Variants in SLCO1B1 observed in about 807,000 individuals in gnomAD.
SLCO1B1 encodes solute carrier organic anion transporter family member 1B1.
In SLCO1B1, 81 loss-of-function variants were observed where a neutral mutation model predicts 70.1. The observed-to-expected ratio is 1.16, with a 90% CI of 0.97 to 1.39. The LOEUF is 1.39. SLCO1B1 is among the 40% of genes most tolerant of loss of function. SLCO1B1 has a pLI of 0.00. For synonymous variants in SLCO1B1, 283 were observed against 271.5 expected (o/e 1.04, Z -0.42); for missense variants, 895 against 799.6 (o/e 1.12, Z -1.44).
chr12:21,156,658 G>A (rs1334777095), intron 2 of SLCO1B1, among the ~76,000 whole-genome samples: 2 of 151,948 alleles, frequency 1.3e-5, no homozygotes, highest in African/African-American at 4.8e-5. Flanking sequence ...AAACAATGTA[G>A]GTTTATAAAC....
intron 10 of SLCO1B1, among the ~76,000 whole-genome samples, chr12:21,203,479 A>G (rs915425722): frequency 6.6e-6 from 1 of 152,048 alleles, no homozygotes; most frequent in African/African-American, 2.4e-5. Context: ...TGCTCAGATC[A>G]CAATTCAGTA....
chr12:21,222,233 GT>G, intron 12 of SLCO1B1, 66 bp from the exon 13 acceptor site: 1 of 757,712 alleles, frequency 1.3e-6, no homozygotes, highest in Middle Eastern at 2.5e-4. Context: ...ACAGGAGAAG[GT>G]TTAATGTTGT....
At chr12:21,183,806 C>A (rs1203578001) in intron 7 of SLCO1B1, among the ~76,000 whole-genome samples, 1 of 152,040 alleles carries the variant, frequency 6.6e-6, no homozygotes, top group East Asian at 1.9e-4. Context: ...CAAGAAAGCT[C>A]ATTGAGATTC....
chr12:21,214,647 C>T (rs868167246), intron 11 of SLCO1B1, among the ~76,000 whole-genome samples: 1 of 150,914 alleles, frequency 6.6e-6, no homozygotes. Flanking sequence ...CAATGGCGGG[C>T]GCCCCTCCCC....
intron 7 of SLCO1B1, among the ~76,000 whole-genome samples, chr12:21,194,962 A>G (rs1941074081): frequency 6.6e-6 from 1 of 152,150 alleles, no homozygotes; most frequent in Middle Eastern, 3.2e-3. Context: ...GGTGCCACAC[A>G]CTTTTTAAGC....
chr12:21,205,077 A>G (rs1014296455), intron 10 of SLCO1B1, among the ~76,000 whole-genome samples: 2 of 151,944 alleles, frequency 1.3e-5, no homozygotes, highest in Non-Finnish European at 2.9e-5. Context: ...TGAAGTATGA[A>G]TCTTAGTTTT....
At chr12:21,172,452 A>T (rs1425954822) in intron 2 of SLCO1B1, among the ~76,000 whole-genome samples, 198 bp from the exon 3 acceptor site, 2 of 152,372 alleles carry the variant, frequency 1.3e-5, no homozygotes, top group Middle Eastern at 3.4e-3. Flanking sequence ...ATTAGAAATG[A>T]TGCTTTATCA....
chr12:21,218,265 G>T (rs1205641816), intron 12 of SLCO1B1, among the ~76,000 whole-genome samples: 1 of 152,118 alleles, frequency 6.6e-6, no homozygotes. Context: ...GAGTTAGGAA[G>T]GGTGCAGGTA....
intron 3 of SLCO1B1, among the ~76,000 whole-genome samples, chr12:21,174,081 G>A (rs756451474): frequency 6.6e-6 from 1 of 151,984 alleles, no homozygotes. Context: ...ATTAAGTTCC[G>A]CCTTTCTGTG....
In SLCO1B1 at chr12:21,215,604, C is replaced by G. The variant is rs888543297; in HGVS notation, c.1498-1515C>G. 5.3e-5 allele frequency among the ~76,000 whole-genome samples: 8 copies of G among 152,038 alleles called. No homozygotes were observed. The South Asian group carries it at 8.3e-4, about 16-fold the overall frequency. ...TAGTGTTTTGTTGAGGAATTTTGCACCTATATGCATCTATATTCATCTATA... is the reference window on the plus strand; with the variant it reads ...TAGTGTTTTGTTGAGGAATTTTGCAGCTATATGCATCTATATTCATCTATA... On this transcript the variant is annotated intron_variant, in intron 11 of 14. Coordinates refer to ENST00000256958, the MANE Select transcript of SLCO1B1 (RefSeq NM_006446.5).
intron 11 of SLCO1B1, among the ~76,000 whole-genome samples, chr12:21,208,104 C>T (rs1458348525): frequency 1.4e-5 from 2 of 145,194 alleles, no homozygotes; most frequent in African/African-American, 2.6e-5. Context: ...TCTTTTCACT[C>T]TGTTGATTAT....
intron 7 of SLCO1B1, among the ~76,000 whole-genome samples, chr12:21,188,142 A>G (rs1292653221): frequency 1.3e-5 from 2 of 152,056 alleles, no homozygotes; most frequent in Admixed American, 6.6e-5. Flanking sequence ...CAAAACCACA[A>G]AGTCAAATAG....
In SLCO1B1 at chr12:21,162,235, G is replaced by A. The variant is rs1940628581; in HGVS notation, c.85-10415G>A. ...CCATTATTTTATAATATTAAAGTAA[G>A]CAATAAAAGGAACACTTAAAAATAT... On this transcript the variant is annotated intron_variant, in intron 2 of 14. Coordinates refer to ENST00000256958, the MANE Select transcript of SLCO1B1 (RefSeq NM_006446.5). 2.0e-5 allele frequency among the ~76,000 whole-genome samples: 3 copies of A among 151,754 alleles called. No individual in the cohort carries two copies. The South Asian group carries it at 6.2e-4, about 31-fold the overall frequency.
At chr12:21,211,441 T>A (rs199876313) in intron 11 of SLCO1B1, among the ~76,000 whole-genome samples, 12,858 of 100,998 alleles carry the variant, frequency 0.13, no homozygotes, top group Non-Finnish European at 0.14. Flanking sequence ...AGCTTTTGGA[T>A]GTGCTGCTGG....
chr12:21,132,395 C>T (rs1053703129), intron 1 of SLCO1B1, among the ~76,000 whole-genome samples: 6 of 152,114 alleles, frequency 3.9e-5, no homozygotes, highest in African/African-American at 1.2e-4. Flanking sequence ...GTTCTAGATC[C>T]CTGAGGAATC....
chr12:21,192,258 A>C (rs1295389656), intron 7 of SLCO1B1, among the ~76,000 whole-genome samples: 1 of 151,840 alleles, frequency 6.6e-6, no homozygotes, highest in Non-Finnish European at 1.5e-5. Flanking sequence ...TTTTGTTGAG[A>C]AGTATTTGAT....
rs540112224 is a variant in SLCO1B1 at position 21,178,692 on chromosome 12, G to A, written c.598G>A (p.Ala200Thr). Residue 200 changes from alanine (A) to threonine (T), a missense_variant, in exon 6 of 15, where the codon GCT becomes ACT. Coordinates refer to ENST00000256958, the MANE Select transcript of SLCO1B1 (RefSeq NM_006446.5). ...PLGLSYIDDFAKEGHSSLYLG... is the reference protein window; with the variant it reads ...PLGLSYIDDFTKEGHSSLYLG... ...GGGGCTTTCTTACATTGATGATTTC[G>A]CTAAAGAAGGACATTCTTCTTTGTA... 1.6e-5 allele frequency: 25 copies of A among 1,603,842 alleles called. No individual in the cohort carries two copies. The South Asian group carries it at 2.7e-4, about 18-fold the overall frequency.
intron 2 of SLCO1B1, among the ~76,000 whole-genome samples, chr12:21,167,567 C>T (rs73062310): frequency 0.013 from 1,958 of 152,154 alleles, 22 homozygotes; most frequent in Middle Eastern, 0.082. Flanking sequence ...AATAATGCAT[C>T]GTTTTGTCAT....
chr12:21,146,246 T>A (rs1449606262), intron 2 of SLCO1B1, among the ~76,000 whole-genome samples: 1 of 152,276 alleles, frequency 6.6e-6, no homozygotes, highest in East Asian at 1.9e-4. Flanking sequence ...GTGTTGCTTA[T>A]AGTATTTCTT....
Sources: allele counts gnomAD v4.1 joint callset (sites outside exome capture counted in the v4.1 genomes callset), GRCh38; gene constraint gnomAD v4.1.1; transcripts MANE v1.5; gene names NCBI Gene and HGNC (gene_info 2026-07-23, HGNC 2026-07-21).